Variants in SLC39A10 observed in about 807,000 individuals in gnomAD.
SLC39A10 encodes the protein zinc transporter ZIP10.
A neutral mutation model predicts 65.1 loss-of-function variants in SLC39A10; 13 were observed. The observed-to-expected ratio is 0.20, with a 90% confidence interval of 0.13 to 0.32. The LOEUF (loss-of-function observed/expected upper bound fraction) is 0.32. SLC39A10 is among the 10% of genes least tolerant of loss of function. The probability of loss-of-function intolerance (pLI) is 1.00; values close to 1 mark genes in which losing one functional copy is unlikely to be tolerated. For missense variants in SLC39A10, 831 were observed against 1,018.4 expected (o/e 0.82, Z 2.50); for synonymous variants, 321 against 342.2 (o/e 0.94, Z 0.68).
chr2:195,649,210 A>T (rs1404367940), intron 2 of SLC39A10, among the ~76,000 whole-genome samples: 1 of 152,258 alleles, frequency 6.6e-6, no homozygotes, highest in Non-Finnish European at 1.5e-5. Flanking sequence ...ATGGGATTCT[A>T]TGAAGAATGT....
chr2:195,632,891 A>G (rs1688618565), intron 2 of SLC39A10, among the ~76,000 whole-genome samples: 1 of 152,302 alleles, frequency 6.6e-6, no homozygotes, highest in Non-Finnish European at 1.5e-5. Flanking sequence ...ATTATTATAC[A>G]TTGGAGGAGC....
Position 195,632,368 on chromosome 2 carries a change from C to T in SLC39A10, c.-12+26135C>T, listed in dbSNP as rs183884773. 3.0e-3 allele frequency among the ~76,000 whole-genome samples: 397 copies of T among 132,862 alleles called. 3 individuals carry two copies. The highest frequency in any genetic ancestry group is 2.7e-3 in the Non-Finnish European group (175 of 64,978). The allele number at this position is 132,862 out of a possible 152,430, so 87.2% of individuals were successfully genotyped here. The stretch of plus-strand genomic sequence containing the variant: ...AGGCTGGAGTGCTGTGGTGCCATCT[C>T]GGCTCACTGCAACCTCCTCGTCCCG... On this transcript the variant is annotated intron_variant, in intron 2 of 2. Transcript: ENST00000458054.
In SLC39A10 at chr2:195,631,113, G is replaced by A. The variant is rs548557654; in HGVS notation, c.-12+24880G>A. ...CTGAGCAGGAGAATCTTGAACCCAG[G>A]GGGTGGAGGTTGCAATGAGCTGAGA... On this transcript the variant is annotated intron_variant, in intron 2 of 2. Transcript: ENST00000458054. 8.7e-4 allele frequency among the ~76,000 whole-genome samples: 132 copies of A among 152,120 alleles called. 2 individuals carry two copies. Among genetic ancestry groups the A allele is most frequent in the African/African-American group, 3.1e-3 (128 of 41,504 alleles).
intron 2 of SLC39A10, among the ~76,000 whole-genome samples, chr2:195,683,116 TA>T (rs2105775254): frequency 6.6e-6 from 1 of 151,864 alleles, no homozygotes; most frequent in East Asian, 1.9e-4. Context: ...TGTTTTTTAT[TA>T]TTTTTTTCTT....
intron 2 of SLC39A10, among the ~76,000 whole-genome samples, chr2:195,682,888 CTG>C (rs1156628548): frequency 6.6e-6 from 1 of 150,772 alleles, no homozygotes; most frequent in Non-Finnish European, 1.5e-5. Flanking sequence ...AATCATTTTT[CTG>C]TGTTTATAGG....
chr2:195,706,758 A>G lies in SLC39A10; in HGVS notation c.1359A>G (p.Gly453=). 6.3e-7 allele frequency: 1 copy of G among 1,576,338 alleles called. No individual in the cohort carries two copies. The highest frequency in any genetic ancestry group is 2.3e-5 in the East Asian group (1 of 43,028). ...CATTAGCTGTAGGAACAATGAGTGG[A>G]GACGCCCTTCTTCATCTACTGCCCC... ...LVALAVGTMS[G]DALLHLLPHS... Residue 453 remains glycine (G), a synonymous_variant, in exon 4 of 10, where the codon GGA becomes GGG. Coordinates refer to ENST00000359634, the MANE Select transcript of SLC39A10 (RefSeq NM_020342.3).
chr2:195,726,596 C>T (rs967758715), intron 8 of SLC39A10, among the ~76,000 whole-genome samples: 2 of 152,128 alleles, frequency 1.3e-5, no homozygotes, highest in African/African-American at 4.8e-5. Flanking sequence ...GAAAACTGGA[C>T]AATTACAACT....
chr2:195,707,175 G>A (rs746900299), intron 4 of SLC39A10, among the ~76,000 whole-genome samples: 1 of 152,136 alleles, frequency 6.6e-6, no homozygotes, highest in South Asian at 2.1e-4. Flanking sequence ...GATACACTCA[G>A]TGCGCTGTTT....
intron 4 of SLC39A10, among the ~76,000 whole-genome samples, chr2:195,707,303 G>T (rs1691440930): frequency 6.6e-6 from 1 of 152,084 alleles, no homozygotes; most frequent in Non-Finnish European, 1.5e-5. Flanking sequence ...CTAGTACCAT[G>T]CTTACCAACC....
rs909782814 is a variant in SLC39A10 at position 195,735,356 on chromosome 2, G to A, written c.*315G>A. 2.6e-5 allele frequency: 5 copies of A among 188,816 alleles called. No individual in the cohort carries two copies. The highest frequency in any genetic ancestry group is 4.3e-5 in the Non-Finnish European group (4 of 92,688). 11.7% of individuals were successfully genotyped at this position (188,816 alleles called of 1,614,324 possible). ...AGTCTCTTTATTAGTAGAAACTTCT[G>A]TGGCTATGCAGAAATAGAGATCGAA... is the stretch of plus-strand genomic sequence containing the variant. On this transcript the variant is annotated 3_prime_UTR_variant, in exon 10 of 10. Transcript: ENST00000359634.
chr2:195,734,673 G>A (rs560175635), intron 9 of SLC39A10, among the ~76,000 whole-genome samples: 2 of 151,188 alleles, frequency 1.3e-5, no homozygotes, highest in South Asian at 4.2e-4. Flanking sequence ...GAGGAGGAGG[G>A]AACAGAGTTA....
At position 195,680,785 on chromosome 2, in the gene SLC39A10, C is replaced by T; in HGVS notation, c.743C>T (p.Thr248Ile). 6.2e-7 allele frequency: 1 copy of T among 1,614,110 alleles called. No individual in the cohort carries two copies. Among genetic ancestry groups the T allele is most frequent in the Non-Finnish European group, 8.5e-7 (1 of 1,180,014 alleles). ...AGTAATGAAAATTCTGAGGTTATTACACCAGGTTTTCCCCCTAACCATGAT... is the reference window on the plus strand; with the variant it reads ...AGTAATGAAAATTCTGAGGTTATTATACCAGGTTTTCCCCCTAACCATGAT... ...RKSNENSEVI[T>I]PGFPPNHDQG... The change falls in exon 2 of 10, where the codon ACA becomes ATA. Residue 248 changes from threonine to isoleucine, a missense_variant. Coordinates refer to ENST00000359634, the MANE Select transcript of SLC39A10 (RefSeq NM_020342.3).
chr2:195,689,385 G>A (rs186757402), intron 3 of SLC39A10, among the ~76,000 whole-genome samples: 17 of 152,008 alleles, frequency 1.1e-4, no homozygotes, highest in African/African-American at 3.6e-4. Flanking sequence ...TCACACCACC[G>A]TACTCCAACC....
intron 2 of SLC39A10, among the ~76,000 whole-genome samples, chr2:195,638,336 T>G (rs922306077): frequency 1.3e-5 from 2 of 151,552 alleles, no homozygotes; most frequent in Admixed American, 1.3e-4. Context: ...TTTTTAAACT[T>G]TTTTTTTAGT....
intron 3 of SLC39A10, among the ~76,000 whole-genome samples, chr2:195,690,686 T>C (rs940991608): frequency 6.6e-6 from 1 of 152,200 alleles, no homozygotes; most frequent in African/African-American, 2.4e-5. Context: ...AAAATGCCTA[T>C]TACAGTTCTT....
At chr2:195,704,624 A>G (rs951271236) in intron 3 of SLC39A10, among the ~76,000 whole-genome samples, 2 of 152,188 alleles carry the variant, frequency 1.3e-5, no homozygotes, top group Non-Finnish European at 2.9e-5. Context: ...AAACGGGACA[A>G]ACAAACTAGC....
intron 9 of SLC39A10, among the ~76,000 whole-genome samples, chr2:195,730,106 A>G (rs559500922): frequency 6.6e-6 from 1 of 150,476 alleles, no homozygotes; most frequent in Non-Finnish European, 1.5e-5. Context: ...TGCCCTGCCC[A>G]TTGTTTATTT....
chr2:195,677,684 T>A (rs1027070161), intron 1 of SLC39A10, among the ~76,000 whole-genome samples: 1 of 152,184 alleles, frequency 6.6e-6, no homozygotes, highest in Non-Finnish European at 1.5e-5. Context: ...TTTTTATTCC[T>A]GTGTGATAGA....
In SLC39A10 at chr2:195,716,621, T is replaced by C; in HGVS notation, c.1697-16T>C. On this transcript the variant is annotated splice_polypyrimidine_tract_variant and intron_variant, in intron 6 of 9. Transcript: ENST00000359634. ...ATTTAATTATTGATAAAGCATATCC[T>C]TTGCTATAAATACAGGAACTGATGA... 6.4e-7 allele frequency: 1 copy of C among 1,572,750 alleles called. No individual in the cohort carries two copies. Among genetic ancestry groups the C allele is most frequent in the Non-Finnish European group, 8.6e-7 (1 of 1,162,626 alleles).
Sources: allele counts gnomAD v4.1 joint callset (sites outside exome capture counted in the v4.1 genomes callset), GRCh38; gene constraint gnomAD v4.1.1; transcripts MANE v1.5; gene names NCBI Gene and HGNC (gene_info 2026-07-23, HGNC 2026-07-21).